Variants in CCSER1 observed in about 807,000 individuals in gnomAD.
The protein encoded by CCSER1 is coiled-coil serine rich protein 1.
In CCSER1, 41 loss-of-function variants were observed where a neutral mutation model predicts 82.0. The observed-to-expected ratio is 0.50, with a 90% CI of 0.39 to 0.65. The LOEUF is 0.65. Ranked by LOEUF, CCSER1 falls within the 30% of genes least tolerant of loss-of-function variation. The pLI is 0.00. For missense variants in CCSER1, 1,119 were observed against 1,064.2 expected, an observed-to-expected ratio of 1.05 and a Z score of -0.72; for synonymous variants, 414 against 383.9, an observed-to-expected ratio of 1.08 and a Z score of -0.92.
intron 5 of CCSER1, among the ~76,000 whole-genome samples, chr4:90,598,418 A>G (rs994809305): frequency 2.6e-5 from 4 of 152,150 alleles, no homozygotes; most frequent in African/African-American, 9.7e-5. Flanking sequence ...GCACCAATTT[A>G]AATTCCCACC....
At chr4:91,489,509 G>C (rs1299504064) in intron 10 of CCSER1, among the ~76,000 whole-genome samples, 2 of 152,084 alleles carry the variant, frequency 1.3e-5, no homozygotes, top group Non-Finnish European at 2.9e-5. Flanking sequence ...TTCACTGCAA[G>C]ATTAAGCTTC....
intron 5 of CCSER1, among the ~76,000 whole-genome samples, chr4:90,591,311 T>A (rs1782663635): frequency 6.6e-6 from 1 of 152,118 alleles, no homozygotes; most frequent in Non-Finnish European, 1.5e-5. Flanking sequence ...CCAGAACTTC[T>A]AATACTATGT....
chr4:90,556,698 G>A (rs1327339833), intron 5 of CCSER1, among the ~76,000 whole-genome samples: 1 of 151,880 alleles, frequency 6.6e-6, no homozygotes, highest in Admixed American at 6.6e-5. Flanking sequence ...TTACGTGGAA[G>A]TGGATCATCA....
rs1188074112 is a variant in CCSER1, at chr4:91,602,709, A to C, written c.*3652A>C. ...AAAATAACCCTAAGATTCCATTGAA[A>C]CATATACACACAGATGAAACTAGAA... On this transcript the variant is annotated 3_prime_UTR_variant, in exon 11 of 11. Transcript: ENST00000509176. Among the ~76,000 whole-genome samples, 1 of 152,046 alleles carries C rather than the reference A, an allele frequency of 6.6e-6. No homozygotes were observed. The highest frequency in any genetic ancestry group is 1.5e-5 in the Non-Finnish European group (1 of 67,934).
At chr4:91,171,993 ATATTCAATAAAAAAAATCCTAT>A (rs1350855884) in intron 10 of CCSER1, among the ~76,000 whole-genome samples, 5 of 152,060 alleles carry the variant, frequency 3.3e-5, no homozygotes, top group Admixed American at 3.3e-4. Flanking sequence ...GATCTTCTTT[ATATTCAATAAAAAAAATCCTAT>A]TATTCAATAA....
intron 4 of CCSER1, among the ~76,000 whole-genome samples, chr4:90,451,853 C>A (rs948900439): frequency 6.6e-6 from 1 of 152,188 alleles, no homozygotes; most frequent in African/African-American, 2.4e-5. Context: ...ATTACTACCA[C>A]TTTCCATGGA....
At chr4:91,188,034 T>C (rs1734710400) in intron 10 of CCSER1, among the ~76,000 whole-genome samples, 2 of 151,838 alleles carry the variant, frequency 1.3e-5, no homozygotes, top group African/African-American at 4.8e-5. Context: ...AGTTCCAGAG[T>C]CCAAGATTAA....
chr4:90,865,633 A>G lies in CCSER1; in HGVS notation c.2094+49788A>G, dbSNP rs149226491. Among the ~76,000 whole-genome samples, 161 of 152,166 alleles carry G rather than the reference A, an allele frequency of 1.1e-3. 3 individuals carry two copies. In the East Asian group the frequency reaches 0.011, roughly 11 times the overall value. On this transcript the variant is annotated intron_variant, in intron 8 of 10. Coordinates refer to ENST00000509176, the MANE Select transcript of CCSER1 (RefSeq NM_001145065.2). ...ATTCATTTTATCCTTCTAGCATTAT[A>G]TCCTCCTATTTTTTTGCCCATTTAC...
At chr4:90,938,757 A>C (rs1268261567) in intron 9 of CCSER1, 1 of 332,078 alleles carries the variant, frequency 3.0e-6, no homozygotes, top group Non-Finnish European at 6.2e-6. Flanking sequence ...ATCTGACAAT[A>C]AGAAATGCAT....
chr4:90,898,336 G>T (rs1724065082), intron 8 of CCSER1, among the ~76,000 whole-genome samples: 1 of 128,144 alleles, frequency 7.8e-6, no homozygotes, highest in Non-Finnish European at 1.6e-5. Flanking sequence ...AGGCTGGAGT[G>T]TAATAGCACG....
intron 5 of CCSER1, among the ~76,000 whole-genome samples, chr4:90,625,500 T>C (rs146538118): frequency 3.7e-3 from 556 of 152,294 alleles, no homozygotes; most frequent in Non-Finnish European, 6.3e-3. Flanking sequence ...TAATTAAGAA[T>C]GGTTTTGATT....
intron 1 of CCSER1, among the ~76,000 whole-genome samples, chr4:90,243,939 T>C (rs1378798355): frequency 1.3e-5 from 2 of 152,148 alleles, no homozygotes; most frequent in African/African-American, 4.8e-5. Flanking sequence ...TTCAACGTTA[T>C]GACTTATTTA....
At chr4:91,359,103 A>G (rs1338614902) in intron 10 of CCSER1, among the ~76,000 whole-genome samples, 1 of 151,898 alleles carries the variant, frequency 6.6e-6, no homozygotes, top group East Asian at 1.9e-4. Flanking sequence ...GGCTCACAAC[A>G]CTAAAGATTT....
intron 10 of CCSER1, among the ~76,000 whole-genome samples, chr4:91,359,141 G>A (rs1749078797): frequency 6.7e-6 from 1 of 149,614 alleles, no homozygotes; most frequent in African/African-American, 2.4e-5. Context: ...ATTGATTTGA[G>A]CAAGCAGGTG....
At chr4:91,295,597 T>C (rs759052734) in intron 10 of CCSER1, among the ~76,000 whole-genome samples, 1 of 151,948 alleles carries the variant, frequency 6.6e-6, no homozygotes, top group Non-Finnish European at 1.5e-5. Flanking sequence ...TGAACAATTA[T>C]TTTAGAAAAC....
chr4:90,985,125 A>G (rs1037599674), intron 9 of CCSER1, among the ~76,000 whole-genome samples: 3 of 151,782 alleles, frequency 2.0e-5, no homozygotes, highest in Non-Finnish European at 4.4e-5. Context: ...TGAGTAATAT[A>G]ACACCAAAAA....
At chr4:90,717,413 C>T (rs571711623) in intron 6 of CCSER1, among the ~76,000 whole-genome samples, 78 of 152,136 alleles carry the variant, frequency 5.1e-4, no homozygotes, top group African/African-American at 7.2e-4. Flanking sequence ...AAGATGTGAC[C>T]GGAATGGAAA....
At chr4:91,093,199 C>T (rs952460673) in intron 10 of CCSER1, among the ~76,000 whole-genome samples, 3 of 152,160 alleles carry the variant, frequency 2.0e-5, no homozygotes, top group African/African-American at 4.8e-5. Flanking sequence ...AAGTTACCAC[C>T]GCATATCCTG....
At chr4:90,628,285 C>A (rs1012901482) in intron 6 of CCSER1, 53 bp downstream of exon 6, 3 of 1,438,732 alleles carry the variant, frequency 2.1e-6, no homozygotes, top group African/African-American at 1.4e-5. Flanking sequence ...ACAATGAAGT[C>A]TGCAGACGTG....
Sources: allele counts gnomAD v4.1 joint callset (sites outside exome capture counted in the v4.1 genomes callset), GRCh38; gene constraint gnomAD v4.1.1; transcripts MANE v1.5; gene names NCBI Gene and HGNC (gene_info 2026-07-23, HGNC 2026-07-21).